GRIP1: variants seen among roughly 807,000 people sequenced by gnomAD.
GRIP1 encodes glutamate receptor-interacting protein 1.
In GRIP1, 45 loss-of-function variants were observed where a neutral mutation model predicts 129.9. The ratio of observed to expected loss-of-function variants is 0.35; its 90% confidence interval spans 0.27 to 0.44. The LOEUF (loss-of-function observed/expected upper bound fraction) is 0.44, where lower values mean the gene tolerates loss of function less well. Ranked by LOEUF, GRIP1 falls within the 20% of genes least tolerant of loss-of-function variation. The pLI, the probability that GRIP1 is intolerant of heterozygous loss-of-function variation, is 1.00. For synonymous variants in GRIP1, 530 were observed against 520.8 expected (o/e 1.02, Z -0.24); for missense variants, 1,196 against 1,396.8 (o/e 0.86, Z 2.29).
At chr12:66,683,497 A>C (rs1833879717), upstream of GRIP1, among the ~76,000 whole-genome samples, 1 of 152,208 alleles carries the variant, frequency 6.6e-6, no homozygotes, top group Non-Finnish European at 1.5e-5. Context: ...CATTTTTTAA[A>C]GCAAATATTT....
intron 1 of GRIP1, among the ~76,000 whole-genome samples, chr12:66,600,525 G>T (rs2064231816): frequency 6.6e-6 from 1 of 152,138 alleles, no homozygotes; most frequent in South Asian, 2.1e-4. Flanking sequence ...TGAAACATTT[G>T]TTATAAAGCT....
chr12:66,962,380 C>T (rs542091090), intron 1 of GRIP1, among the ~76,000 whole-genome samples: 1 of 152,186 alleles, frequency 6.6e-6, no homozygotes, highest in Admixed American at 6.5e-5. Flanking sequence ...GTGGAGAGGC[C>T]TTTTCTGATT....
intron 23 of GRIP1, among the ~76,000 whole-genome samples, chr12:66,354,184 T>C (rs1223805795): frequency 1.3e-5 from 2 of 152,092 alleles, no homozygotes; most frequent in Non-Finnish European, 2.9e-5. Flanking sequence ...TTTGATTTGG[T>C]AACTGAAGGC....
At chr12:66,943,898 T>C (rs1403736860) in intron 1 of GRIP1, among the ~76,000 whole-genome samples, 1 of 152,206 alleles carries the variant, frequency 6.6e-6, no homozygotes, top group African/African-American at 2.4e-5. Flanking sequence ...GAGTCCTATA[T>C]AACATTCTCA....
chr12:66,611,358 C>T (rs1476945266), intron 1 of GRIP1, among the ~76,000 whole-genome samples: 2 of 152,090 alleles, frequency 1.3e-5, no homozygotes, highest in South Asian at 2.1e-4. Context: ...AAAGCTTTGC[C>T]ATTATTGTCA....
intron 1 of GRIP1, among the ~76,000 whole-genome samples, chr12:66,842,836 G>A (rs2039744915): frequency 6.6e-6 from 1 of 152,080 alleles, no homozygotes; most frequent in Admixed American, 6.6e-5. Flanking sequence ...ATTTCCATGT[G>A]TAAGGTGTGT....
In GRIP1 at chr12:66,473,603, GC is replaced by G. The variant is rs1442141370; in HGVS notation, c.725-8182del. The stretch of plus-strand genomic sequence containing the variant: ...GAGCTCCAGCTGGCATCGGGTGGGT[GC>G]CCCTCTGGGACGAAGCTTCCAAAGG... On this transcript the variant is annotated intron_variant, in intron 7 of 24. Transcript: ENST00000359742. Among the ~76,000 whole-genome samples, 3 of 152,284 alleles carry G rather than the reference GC, an allele frequency of 2.0e-5. No homozygotes were observed. In the East Asian group the frequency reaches 5.8e-4, roughly 30 times the overall value.
intron 1 of GRIP1, among the ~76,000 whole-genome samples, chr12:66,874,015 T>C (rs905705517): frequency 6.6e-6 from 1 of 152,088 alleles, no homozygotes; most frequent in East Asian, 1.9e-4. Flanking sequence ...AAGGGTCTCT[T>C]AAGATTCTTG....
intron 1 of GRIP1, among the ~76,000 whole-genome samples, chr12:66,814,300 A>C (rs995124114): frequency 1.3e-5 from 2 of 152,116 alleles, no homozygotes; most frequent in African/African-American, 2.4e-5. Context: ...TGAGTACATG[A>C]AGCTCTTGGA....
At chr12:66,636,305 A>T (rs117409940) in intron 1 of GRIP1, among the ~76,000 whole-genome samples, 1 of 152,232 alleles carries the variant, frequency 6.6e-6, no homozygotes, top group East Asian at 1.9e-4. Flanking sequence ...GCTTGAGATG[A>T]TGAAAAAAAG....
chr12:66,674,855 T>C (rs2034250952), intron 1 of GRIP1, among the ~76,000 whole-genome samples: 4 of 151,896 alleles, frequency 2.6e-5, no homozygotes, highest in Admixed American at 2.6e-4. Flanking sequence ...GGAGAAAAGA[T>C]ACTGAGGTTG....
intron 14 of GRIP1, among the ~76,000 whole-genome samples, chr12:66,422,904 T>C (rs1409898406): frequency 6.6e-6 from 1 of 152,164 alleles, no homozygotes; most frequent in Non-Finnish European, 1.5e-5. Context: ...ATCACCACCA[T>C]GCATGTTAAA....
At chr12:66,974,309 C>T (rs1185812373) in intron 1 of GRIP1, among the ~76,000 whole-genome samples, 1 of 152,168 alleles carries the variant, frequency 6.6e-6, no homozygotes, top group Admixed American at 6.5e-5. Flanking sequence ...TATTTCTTAC[C>T]TCCTTGCTTG....
intron 7 of GRIP1, among the ~76,000 whole-genome samples, chr12:66,473,706 T>A (rs940869189): frequency 1.3e-5 from 2 of 152,152 alleles, no homozygotes; most frequent in Non-Finnish European, 2.9e-5. Context: ...GCAGTGGACA[T>A]CCAGCAAACT....
intron 1 of GRIP1, among the ~76,000 whole-genome samples, chr12:66,760,565 A>T (rs187977678): frequency 8.2e-4 from 125 of 152,312 alleles, no homozygotes; most frequent in Middle Eastern, 3.4e-3. Flanking sequence ...CTGTCATGAG[A>T]ACAGCACAAG....
At chr12:66,463,853 G>T (rs1428254789) in intron 8 of GRIP1, among the ~76,000 whole-genome samples, 4 of 152,128 alleles carry the variant, frequency 2.6e-5, no homozygotes, top group Admixed American at 2.6e-4. Context: ...CAAGTGAACA[G>T]CTCCTTAAAC....
At chr12:66,700,479 C>T (rs1193297384) in intron 1 of GRIP1, among the ~76,000 whole-genome samples, 1 of 151,342 alleles carries the variant, frequency 6.6e-6, no homozygotes, top group Admixed American at 6.6e-5. Context: ...CCACATTGCC[C>T]AGGCTGGAGT....
At chr12:66,874,634 C>G (rs1303445682) in intron 1 of GRIP1, among the ~76,000 whole-genome samples, 1 of 151,970 alleles carries the variant, frequency 6.6e-6, no homozygotes, top group Admixed American at 6.6e-5. Context: ...ATGGCCGGAG[C>G]AGAAGGAAGA....
intron 1 of GRIP1, among the ~76,000 whole-genome samples, chr12:66,783,354 T>C (rs773775347): frequency 6.6e-6 from 1 of 152,180 alleles, no homozygotes; most frequent in Non-Finnish European, 1.5e-5. Context: ...TTGATTATTA[T>C]AATGTCATGG....
Sources: allele counts gnomAD v4.1 joint callset (sites outside exome capture counted in the v4.1 genomes callset), GRCh38; gene constraint gnomAD v4.1.1; transcripts MANE v1.5; gene names NCBI Gene and HGNC (gene_info 2026-07-23, HGNC 2026-07-21).